PRRC2B: variants seen among roughly 807,000 people sequenced by gnomAD.
The protein encoded by PRRC2B is protein PRRC2B.
In PRRC2B, 68 loss-of-function variants were observed where a neutral mutation model predicts 242.3. That is an observed-to-expected ratio of 0.28 (90% CI 0.23 to 0.34). The LOEUF is 0.34. Ranked by LOEUF, PRRC2B falls within the 10% of genes least tolerant of loss-of-function variation. The pLI, the probability that PRRC2B is intolerant of heterozygous loss-of-function variation, is 1.00. For synonymous variants in PRRC2B, 1,228 were observed against 1,173.6 expected, an observed-to-expected ratio of 1.05 and a Z score of -0.95; for missense variants, 2,835 against 2,954.8, an observed-to-expected ratio of 0.96 and a Z score of 0.94.
rs1564303399 is a variant in PRRC2B at position 131,491,543 on chromosome 9, C to T, written c.6344C>T (p.Pro2115Leu). The T allele has an allele frequency of 1.9e-6, 3 of 1,611,640 alleles. No homozygotes were observed. Among genetic ancestry groups the T allele is most frequent in the African/African-American group, 2.7e-5 (2 of 75,044 alleles). The stretch of plus-strand genomic sequence containing the variant: ...GGGGCCCCCCGAAGGATTCCTCCGC[C>T]CGGGTCCCAGCCGCCAGTCCTGAAC... ...SVGAPRRIPP[P>L]GSQPPVLNTS... Residue 2115 changes from proline (P) to leucine (L), a missense_variant, in exon 29 of 32, where the codon CCC becomes CTC. Around this residue, in one of 7 missense-constraint regions of PRRC2B, gnomAD observed 574 missense variants for 626.0 expected, o/e 0.92. Coordinates refer to ENST00000683519, the MANE Select transcript of PRRC2B (RefSeq NM_013318.4).
At chr9:131,476,637 G>A in intron 16 of PRRC2B, 102 bp downstream of exon 16, 1 of 1,095,786 alleles carries the variant, frequency 9.1e-7, no homozygotes, top group Non-Finnish European at 1.3e-6. Context: ...TCGGGGCTGG[G>A]GGCCTGCCCC....
At position 131,494,078 on chromosome 9, in the gene PRRC2B, T is replaced by G. The variant is rs1944266640; in HGVS notation, c.6474-327T>G. Among the ~76,000 whole-genome samples, 1 of 152,240 alleles carries G rather than the reference T, an allele frequency of 6.6e-6. No individual in the cohort carries two copies. Among genetic ancestry groups the G allele is most frequent in the Non-Finnish European group, 1.5e-5 (1 of 68,052 alleles). On this transcript the variant is annotated intron_variant, in intron 30 of 31. Transcript: ENST00000683519. The surrounding 1 kb of genome is among the most constrained non-coding windows in gnomAD (Gnocchi z 4.3). ...CACTGCATCGTGTTGGTCCAGACCC[T>G]GAGACGGCCAGTGTCGCTTTCTGCA... is the stretch of plus-strand genomic sequence containing the variant.
At chr9:131,393,838 C>T (rs1422227729), upstream of PRRC2B, among the ~76,000 whole-genome samples, 1 of 151,718 alleles carries the variant, frequency 6.6e-6, no homozygotes, top group Non-Finnish European at 1.5e-5. Context: ...TCCCGCCTCT[C>T]CCGCCGTCCC....
intron 18 of PRRC2B, 113 bp from the exon 19 acceptor site, chr9:131,479,139 C>G (rs1347861205): frequency 9.1e-7 from 1 of 1,101,054 alleles, no homozygotes; most frequent in Non-Finnish European, 1.3e-6. Flanking sequence ...TTCCACACAT[C>G]TCTGGAGCAT....
chr9:131,483,192 C>T (rs76680280), intron 22 of PRRC2B, among the ~76,000 whole-genome samples, 167 bp from the exon 23 acceptor site: 10,310 of 152,232 alleles, frequency 0.068, 448 homozygotes, highest in Admixed American at 0.12. Flanking sequence ...CGTCCTGTCT[C>T]CTGTGCCGTG....
Position 131,467,815 on chromosome 9 carries a change from C to T in PRRC2B, c.1911+62C>T, listed in dbSNP as rs1011090616. On this transcript the variant is annotated intron_variant, in intron 13 of 31. Coordinates refer to ENST00000683519, the MANE Select transcript of PRRC2B (RefSeq NM_013318.4). ...GGCCTGAGTGCCGAGCAGATGTTTC[C>T]CCTCCTCGTCCCCATGCCCCACCTC... The T allele has an allele frequency of 2.0e-6, 3 of 1,528,316 alleles. No homozygotes were observed. In the Admixed American group the frequency reaches 5.3e-5, roughly 27 times the overall value. The allele number at this position is 1,528,316 out of a possible 1,614,324, so 94.7% of individuals were successfully genotyped here.
At chr9:131,382,746 G>A (rs1056341796) in intron 1 of PRRC2B, among the ~76,000 whole-genome samples, 1 of 151,756 alleles carries the variant, frequency 6.6e-6, no homozygotes, top group East Asian at 1.9e-4. Flanking sequence ...CCAAGCTCAA[G>A]CGAATCTCCT....
intron 1 of PRRC2B, 28 bp from the exon 2 acceptor site, chr9:131,430,066 T>C: frequency 1.5e-6 from 1 of 678,042 alleles, no homozygotes; most frequent in Middle Eastern, 2.5e-4. Flanking sequence ...CTCTCTTTTT[T>C]TTTTTTTCTT....
Position 131,488,058 on chromosome 9 carries a change from C to A in PRRC2B, c.6187C>A (p.Leu2063Met), listed in dbSNP as rs751580171. ...GGGCCAGCTCAGCCAGGCTGCTGGC[C>A]TGGGTGCCTCCCAGATGTTGGACTC... ...YEGQLSQAAG[L>M]GASQMLDSQL... The change falls in exon 28 of 32, where the codon CTG becomes ATG. Residue 2063 changes from leucine (L) to methionine (M), a missense_variant. Around this residue, in one of 7 missense-constraint regions of PRRC2B, gnomAD observed 574 missense variants for 626.0 expected, o/e 0.92. Coordinates refer to ENST00000683519, the MANE Select transcript of PRRC2B (RefSeq NM_013318.4). The A allele has an allele frequency of 6.8e-6, 11 of 1,613,388 alleles. No homozygotes were observed. Among genetic ancestry groups the A allele is most frequent in the Non-Finnish European group, 9.3e-6 (11 of 1,179,588 alleles).
chr9:131,470,530 G>A (rs1178232391), intron 13 of PRRC2B, among the ~76,000 whole-genome samples: 4 of 152,094 alleles, frequency 2.6e-5, no homozygotes, highest in African/African-American at 7.2e-5. Flanking sequence ...AGCCTGTCTC[G>A]TGTAGCACAG....
chr9:131,477,090 C>T (rs1943726011), intron 16 of PRRC2B, among the ~76,000 whole-genome samples: 1 of 152,222 alleles, frequency 6.6e-6, no homozygotes, highest in Non-Finnish European at 1.5e-5. Flanking sequence ...ACCTCTTCCA[C>T]AGCCAGAGGC....
chr9:131,420,817 C>T (rs1005509214), intron 1 of PRRC2B, among the ~76,000 whole-genome samples: 3 of 151,926 alleles, frequency 2.0e-5, no homozygotes, highest in Non-Finnish European at 4.4e-5. Context: ...ACGTAGGGAG[C>T]CTCTGCAAGC....
chr9:131,462,256 A>T (rs1228528842), intron 11 of PRRC2B, among the ~76,000 whole-genome samples: 1 of 152,116 alleles, frequency 6.6e-6, no homozygotes, highest in East Asian at 1.9e-4. Flanking sequence ...TTTGTCATTC[A>T]TGCTGGAGTG....
At position 131,455,054 on chromosome 9, in the gene PRRC2B, C is replaced by T. The variant is rs1418793312; in HGVS notation, c.1121-22C>T. On this transcript the variant is annotated intron_variant, in intron 9 of 31. Coordinates refer to ENST00000683519, the MANE Select transcript of PRRC2B (RefSeq NM_013318.4). ...ACTTTTTCATTCTTTCTCATTCTTC[C>T]TGGGCCCTCCTGCTGTTGTAGGCCT... 5 of 1,587,418 alleles carry T rather than the reference C, an allele frequency of 3.1e-6. 1 individual carries two copies. Among genetic ancestry groups the T allele is most frequent in the South Asian group, 1.1e-5 (1 of 89,150 alleles).
At chr9:131,430,812 C>G (rs1041996641) in intron 2 of PRRC2B, among the ~76,000 whole-genome samples, 1 of 151,378 alleles carries the variant, frequency 6.6e-6, no homozygotes, top group Non-Finnish European at 1.5e-5. Context: ...AGGCTGGTCT[C>G]AAACTCGTGA....
At chr9:131,491,892 A>G (rs920625142) in intron 29 of PRRC2B, among the ~76,000 whole-genome samples, 3 of 152,200 alleles carry the variant, frequency 2.0e-5, no homozygotes, top group Admixed American at 6.5e-5. Flanking sequence ...TCTTGCTTCT[A>G]AGAAGAAGCC....
intron 1 of PRRC2B, among the ~76,000 whole-genome samples, chr9:131,428,184 T>C (rs1838024918): frequency 6.6e-6 from 1 of 151,880 alleles, no homozygotes; most frequent in Non-Finnish European, 1.5e-5. Flanking sequence ...CCTCCCAAAG[T>C]GTTGGGATTA....
In PRRC2B at chr9:131,432,659, C is replaced by T; in HGVS notation, c.158C>T (p.Ala53Val). The change falls in exon 3 of 32, where the codon GCA becomes GTA. Residue 53 changes from alanine to valine, a missense_variant. By Grantham distance (64) the Ala-to-Val change is moderately conservative. Around this residue, in one of 7 missense-constraint regions of PRRC2B, gnomAD observed 626 missense variants for 685.5 expected, o/e 0.91. Coordinates refer to ENST00000683519, the MANE Select transcript of PRRC2B (RefSeq NM_013318.4). ...HGLQSLGKVA[A>V]ARRMPPPANL... is the part of the protein sequence containing the mutation. ...TTACAGAGTCTTGGGAAAGTTGCTG[C>T]AGCCCGGCGCATGCCACCGCCTGCA... The T allele has an allele frequency of 6.2e-7, 1 of 1,614,046 alleles. No individual in the cohort carries two copies.
At position 131,475,010 on chromosome 9, in the gene PRRC2B, A is replaced by C. The variant is rs759418111; in HGVS notation, c.2881A>C (p.Lys961Gln). The part of the protein sequence containing the change: ...KVEDKEKELE[K>Q]IKQELGEEST... ...GGAAGACAAGGAGAAGGAGCTTGAG[A>C]AGATTAAGCAGGAGCTAGGGGAGGA... Residue 961 changes from lysine to glutamine, a missense_variant, in exon 16 of 32, where the codon AAG becomes CAG. This residue lies in a region of PRRC2B where 1,536 missense variants were observed against 1,483.1 expected (regional missense o/e 1.04). Transcript: ENST00000683519. The C allele has an allele frequency of 1.9e-6, 3 of 1,604,550 alleles. No homozygotes were observed. The South Asian group carries it at 3.4e-5, about 18-fold the overall frequency.
Sources: gnomAD v4.1 joint callset for allele counts (sites outside exome capture counted in the v4.1 genomes callset) on GRCh38, gnomAD v4.1.1 for gene constraint, gnomAD v4.1.1 regional missense constraint, Gnocchi (gnomAD v3.1) non-coding constraint, MANE v1.5 for transcripts, NCBI Gene and HGNC (gene_info 2026-07-23, HGNC 2026-07-21) for gene names.